Variants in GPR101 observed in about 807,000 individuals in gnomAD.
The protein encoded by GPR101 is G protein-coupled receptor 101.
GPR101 carries 8 observed loss-of-function variants against 16.4 expected under a neutral mutation model. The ratio of observed to expected loss-of-function variants is 0.49; its 90% confidence interval spans 0.29 to 0.88. The LOEUF is 0.88. GPR101 is among the 40% of genes least tolerant of loss of function. The pLI is 0.09. For missense variants in GPR101, 375 were observed against 411.7 expected (o/e 0.91, Z 0.77); for synonymous variants, 155 against 168.7 (o/e 0.92, Z 0.63).
chrX:137,024,509 C>A lies in GPR101; in HGVS notation c.*5639G>T, dbSNP rs778155935. On this transcript the variant is annotated 3_prime_UTR_variant, in exon 2 of 2. Transcript: ENST00000651716. ...AGCTCACAAAATTTGGTATTAAAGGCAGTTTTAAAAACAATTTAATGAGGG... is the reference window on the plus strand; with the variant it reads ...AGCTCACAAAATTTGGTATTAAAGGAAGTTTTAAAAACAATTTAATGAGGG... Among the ~76,000 whole-genome samples, 77 of 112,179 alleles carry A rather than the reference C, an allele frequency of 6.9e-4. No homozygotes were observed. Among genetic ancestry groups the A allele is most frequent in the Non-Finnish European group, 1.1e-3 (59 of 53,229 alleles).
chrX:137,029,198 G>A lies in GPR101; in HGVS notation c.*950C>T, dbSNP rs1354654958. Among the ~76,000 whole-genome samples the A allele has an allele frequency of 1.8e-5, 2 of 112,273 alleles. No individual in the cohort carries two copies. Among genetic ancestry groups the A allele is most frequent in the East Asian group, 5.5e-4 (2 of 3,619 alleles). ...GAATTTCTTTTTTTCTGTAAATACT[G>A]TTTGACTAAAAAAGGCTTATTTGAC... On this transcript the variant is annotated 3_prime_UTR_variant, in exon 2 of 2. Transcript: ENST00000651716.
rs1927191848 is a variant in GPR101, at chrX:137,027,933, A to G, written c.*2215T>C. On this transcript the variant is annotated 3_prime_UTR_variant, in exon 2 of 2. Coordinates refer to ENST00000651716, the MANE Select transcript of GPR101 (RefSeq NM_054021.2). ...CCTACCCAAGTAAGCATTTCTACTC[A>G]AAGGATAGGCTATAGCTACCTTGAA... Among the ~76,000 whole-genome samples, 1 of 112,390 alleles carries G rather than the reference A, an allele frequency of 8.9e-6. No homozygotes were observed. The highest frequency in any genetic ancestry group is 1.9e-5 in the Non-Finnish European group (1 of 53,286).
chrX:137,031,157 G>T lies in GPR101; in HGVS notation c.518C>A (p.Ala173Asp), dbSNP rs1409998500. Residue 173 changes from alanine (A) to aspartate (D), a missense_variant, in exon 2 of 2, where the codon GCT (alanine) becomes GAT (aspartate). By Grantham distance (126) the Ala-to-Asp change is moderately radical. Coordinates refer to ENST00000651716, the MANE Select transcript of GPR101 (RefSeq NM_054021.2). The part of the protein sequence containing the change: ...STPPLYGWGQ[A>D]AFDERNALCS... Reference sequence around the variant, plus strand: ...GAGAGCATTGCGCTCATCAAAGGCAGCCTGGCCCCAGCCGTAGAGTGGAGG... The same window carrying T: ...GAGAGCATTGCGCTCATCAAAGGCATCCTGGCCCCAGCCGTAGAGTGGAGG... 6 of 1,211,791 alleles carry T rather than the reference G, an allele frequency of 5.0e-6. No homozygotes were observed. Among genetic ancestry groups the T allele is most frequent in the Non-Finnish European group, 6.7e-6 (6 of 895,453 alleles).
rs766522119 is a variant in GPR101 at position 137,024,958 on chromosome X, T to C, written c.*5190A>G. On this transcript the variant is annotated 3_prime_UTR_variant, in exon 2 of 2. Coordinates refer to ENST00000651716, the MANE Select transcript of GPR101 (RefSeq NM_054021.2). ...TTTTAATGGAGAAGGATGGTCTTCT[T>C]TGAGTTTGCATTCTATATATTCAGT... Among the ~76,000 whole-genome samples, 2 of 111,775 alleles carry C rather than the reference T, an allele frequency of 1.8e-5. No individual in the cohort carries two copies. Among genetic ancestry groups the C allele is most frequent in the Admixed American group, 9.5e-5 (1 of 10,496 alleles).
In GPR101 at chrX:137,029,336, C is replaced by G. The variant is rs1239021876; in HGVS notation, c.*812G>C. Among the ~76,000 whole-genome samples the G allele has an allele frequency of 8.9e-6, 1 of 112,041 alleles. No individual in the cohort carries two copies. The highest frequency in any genetic ancestry group is 1.9e-5 in the Non-Finnish European group (1 of 53,193). The stretch of plus-strand genomic sequence containing the variant: ...TAAAATAGTGGCATGATTTCTGCCC[C>G]ACTATTATTCAAACAGGAGACAGAA... On this transcript the variant is annotated 3_prime_UTR_variant, in exon 2 of 2. Transcript: ENST00000651716.
rs1378441517 is a variant in GPR101, at chrX:137,031,037, G to T, written c.638C>A (p.Ser213Tyr). 8.2e-7 allele frequency: 1 copy of T among 1,212,219 alleles called. No homozygotes were observed. Among genetic ancestry groups the T allele is most frequent in the Non-Finnish European group, 1.1e-6 (1 of 895,625 alleles). The change falls in exon 2 of 2, where the codon TCC becomes TAC. Residue 213 changes from serine (S) to tyrosine (Y), a missense_variant. Physicochemically the swap from Ser to Tyr is moderately radical, Grantham distance 144. Coordinates refer to ENST00000651716, the MANE Select transcript of GPR101 (RefSeq NM_054021.2). ...CCTCCGGGCTGCACAGAACACCACG[G>T]AGTAGCAGGCAATCATGACAATCAG... is the stretch of plus-strand genomic sequence containing the variant. Reference protein sequence around the residue: ...IPLIVMIACYSVVFCAARRQH... With the variant: ...IPLIVMIACYYVVFCAARRQH...
rs971987228 is a variant in GPR101 at position 137,027,764 on chromosome X, G to T, written c.*2384C>A. Among the ~76,000 whole-genome samples, 4 of 112,522 alleles carry T rather than the reference G, an allele frequency of 3.6e-5. No homozygotes were observed. The highest frequency in any genetic ancestry group is 9.7e-5 in the African/African-American group (3 of 30,984). Reference sequence around the variant, plus strand: ...GCTGTTAAATGGACTTACCATACTTGTACAGGTTCTGGTTCCATTTTGATT... The same window carrying T: ...GCTGTTAAATGGACTTACCATACTTTTACAGGTTCTGGTTCCATTTTGATT... On this transcript the variant is annotated 3_prime_UTR_variant, in exon 2 of 2. Coordinates refer to ENST00000651716, the MANE Select transcript of GPR101 (RefSeq NM_054021.2).
Position 137,031,482 on chromosome X carries a change from C to T in GPR101, c.193G>A (p.Val65Met), listed in dbSNP as rs148259008. 2 of 1,200,515 alleles carry T rather than the reference C, an allele frequency of 1.7e-6. No individual in the cohort carries two copies. Among genetic ancestry groups the T allele is most frequent in the African/African-American group, 1.7e-5 (1 of 57,151 alleles). Residue 65 changes from valine to methionine, a missense_variant, in exon 2 of 2, where the codon GTG (valine) becomes ATG (methionine). Transcript: ENST00000651716. ...AGGTTAAAGATAAAACGGTTGGTCACCTGCAGCAGCTGCGGCTTGCGCTGC... is the reference window on the plus strand; with the variant it reads ...AGGTTAAAGATAAAACGGTTGGTCATCTGCAGCAGCTGCGGCTTGCGCTGC... ...VLQRKPQLLQ[V>M]TNRFIFNLLV...
chrX:137,029,995 A>T lies in GPR101; in HGVS notation c.*153T>A, dbSNP rs1927226045. Among the ~76,000 whole-genome samples the T allele has an allele frequency of 8.9e-6, 1 of 112,216 alleles. No homozygotes were observed. The highest frequency in any genetic ancestry group is 9.4e-5 in the Admixed American group (1 of 10,620). On this transcript the variant is annotated 3_prime_UTR_variant, in exon 2 of 2. Transcript: ENST00000651716. ...AGACCCCAGTTCCTGCCTCTTCTAT[A>T]TATTTATCTACCTTGTGGTGAAGAG... is the stretch of plus-strand genomic sequence containing the variant.
Position 137,031,283 on chromosome X carries a change from A to G in GPR101, c.392T>C (p.Leu131Ser), listed in dbSNP as rs75811307. 4.1e-6 allele frequency: 5 copies of G among 1,210,634 alleles called. No individual in the cohort carries two copies. The Admixed American group carries it at 1.1e-4, about 26-fold the overall frequency. The change falls in exon 2 of 2, where the codon TTG (leucine) becomes TCG (serine). Residue 131 changes from leucine (L) to serine (S), a missense_variant. Physicochemically the swap from Leu to Ser is moderately radical, Grantham distance 145. Coordinates refer to ENST00000651716, the MANE Select transcript of GPR101 (RefSeq NM_054021.2). ...GTAGGAGAGAGGGTGGATGATGGAC[A>G]AGTAGCGATCCACTGACACCACGAC... ...TIVVVSVDRY[L>S]SIIHPLSYPS...
rs1400386478 is a variant in GPR101 at position 137,030,738 on chromosome X, C to G, written c.937G>C (p.Ala313Pro). 1 of 1,211,383 alleles carries G rather than the reference C, an allele frequency of 8.3e-7. No homozygotes were observed. The highest frequency in any genetic ancestry group is 3.0e-5 in the East Asian group (1 of 33,837). ...SEEVRESSTV[A>P]SDGSMEGKEG... ...TTACCCTCCATGCTGCCGTCGCTGGCCACCGTGCTGCTCTCTCTGACCTCC... is the reference window on the plus strand; with the variant it reads ...TTACCCTCCATGCTGCCGTCGCTGGGCACCGTGCTGCTCTCTCTGACCTCC... The change falls in exon 2 of 2, where the codon GCC (alanine) becomes CCC (proline). Residue 313 changes from alanine (A) to proline (P), a missense_variant. Ala to Pro is a conservative substitution (Grantham distance 27, BLOSUM62 -1). Coordinates refer to ENST00000651716, the MANE Select transcript of GPR101 (RefSeq NM_054021.2).
Position 137,030,110 on chromosome X carries a change from G to A in GPR101, c.*38C>T. The A allele has an allele frequency of 3.7e-6, 4 of 1,076,163 alleles. No individual in the cohort carries two copies. The highest frequency in any genetic ancestry group is 2.3e-5 in the South Asian group (1 of 43,794). 88.7% of individuals were successfully genotyped at this position (1,076,163 alleles called of 1,213,427 possible). ...GAAAAGAAATCTCCTCTTGTTTCTC[G>A]TGTTATGGACAGTTCAAGGTTTGCC... On this transcript the variant is annotated 3_prime_UTR_variant, in exon 2 of 2. Coordinates refer to ENST00000651716, the MANE Select transcript of GPR101 (RefSeq NM_054021.2).
chrX:137,031,153 G>A lies in GPR101; in HGVS notation c.522C>T (p.Ala174=). The change falls in exon 2 of 2, where the codon GCC becomes GCT. Residue 174 remains alanine (A), a synonymous_variant. Transcript: ENST00000651716. ...AGCAGAGAGCATTGCGCTCATCAAA[G>A]GCAGCCTGGCCCCAGCCGTAGAGTG... The part of the protein sequence containing the change: ...TPPLYGWGQA[A]FDERNALCSM... 3 of 1,211,786 alleles carry A rather than the reference G, an allele frequency of 2.5e-6. No homozygotes were observed. The highest frequency in any genetic ancestry group is 3.4e-6 in the Non-Finnish European group (3 of 895,462).
At position 137,031,255 on chromosome X, in the gene GPR101, C is replaced by T. The variant is rs768460830; in HGVS notation, c.420G>A (p.Pro140=). 8.3e-7 allele frequency: 1 copy of T among 1,211,398 alleles called. No homozygotes were observed. Among genetic ancestry groups the T allele is most frequent in the East Asian group, 3.0e-5 (1 of 33,822 alleles). Residue 140 remains proline, a synonymous_variant, in exon 2 of 2, where the codon CCG becomes CCA. Transcript: ENST00000651716. ...YLSIIHPLSY[P]SKMTQRRGYL... ...AACCGCGGCGCTGGGTCATCTTGGACGGGTAGGAGAGAGGGTGGATGATGG... is the reference window on the plus strand; with the variant it reads ...AACCGCGGCGCTGGGTCATCTTGGATGGGTAGGAGAGAGGGTGGATGATGG...
rs895320405 is a variant in GPR101, at chrX:137,025,370, A to G, written c.*4778T>C. Among the ~76,000 whole-genome samples the G allele has an allele frequency of 2.7e-5, 3 of 112,165 alleles. No homozygotes were observed. The highest frequency in any genetic ancestry group is 3.8e-5 in the Non-Finnish European group (2 of 53,284). On this transcript the variant is annotated 3_prime_UTR_variant, in exon 2 of 2. Transcript: ENST00000651716. ...TATCTAGCACCGTATCTCCAAGAAC[A>G]CTTACATTTTATATACAGTTATAGT...
In GPR101 at chrX:137,024,940, G is replaced by A. The variant is rs895277415; in HGVS notation, c.*5208C>T. On this transcript the variant is annotated 3_prime_UTR_variant, in exon 2 of 2. Transcript: ENST00000651716. ...TATCCTGGAGTCCTTCCTTTTTAAT[G>A]GAGAAGGATGGTCTTCTTTGAGTTT... is the stretch of plus-strand genomic sequence containing the variant. Among the ~76,000 whole-genome samples the A allele has an allele frequency of 9.0e-6, 1 of 111,549 alleles. No homozygotes were observed. The highest frequency in any genetic ancestry group is 3.3e-5 in the African/African-American group (1 of 30,681).
In GPR101 at chrX:137,024,521, CAATTT is replaced by C. The variant is rs1266013520; in HGVS notation, c.*5622_*5626del. Among the ~76,000 whole-genome samples the C allele has an allele frequency of 8.9e-6, 1 of 112,223 alleles. No individual in the cohort carries two copies. On this transcript the variant is annotated 3_prime_UTR_variant, in exon 2 of 2. Transcript: ENST00000651716. ...TTGGTATTAAAGGCAGTTTTAAAAA[CAATTT>C]AATGAGGGTATATATAGTTTTTTAG...
intron 1 of GPR101, among the ~76,000 whole-genome samples, chrX:137,032,237 C>T (rs1334629531): frequency 9.0e-6 from 1 of 111,072 alleles, no homozygotes; most frequent in Non-Finnish European, 1.9e-5. Context: ...GTCTCTGTTT[C>T]TCCGTCTCTC....
Position 137,029,415 on chromosome X carries a change from C to A in GPR101, c.*733G>T, listed in dbSNP as rs1010905966. On this transcript the variant is annotated 3_prime_UTR_variant, in exon 2 of 2. Transcript: ENST00000651716. The stretch of plus-strand genomic sequence containing the variant: ...TTAATGACCTCAGTTCCAGCCCATG[C>A]ATAAACCCAAGATTTTATAGGAAAA... 3.6e-5 allele frequency among the ~76,000 whole-genome samples: 4 copies of A among 112,124 alleles called. No homozygotes were observed. Among genetic ancestry groups the A allele is most frequent in the Non-Finnish European group, 7.5e-5 (4 of 53,266 alleles).
Sources: allele counts gnomAD v4.1 joint callset (sites outside exome capture counted in the v4.1 genomes callset), GRCh38; gene constraint gnomAD v4.1.1; transcripts MANE v1.5; gene names NCBI Gene and HGNC (gene_info 2026-07-23, HGNC 2026-07-21).